Variants in EXOC4 observed in about 807,000 individuals in gnomAD.
The protein encoded by EXOC4 is exocyst complex component 4.
Under a neutral mutation model 107.2 loss-of-function variants are expected in EXOC4, and 71 were observed. The observed-to-expected ratio is 0.66, with a 90% CI of 0.55 to 0.81. The LOEUF (loss-of-function observed/expected upper bound fraction) is 0.81. Among genes scored for constraint, EXOC4 ranks in the 30% least tolerant of loss-of-function variants. EXOC4 has a pLI of 0.00. For synonymous variants in EXOC4, 456 were observed against 441.2 expected (o/e 1.03, Z -0.42); for missense variants, 1,108 against 1,189.6 (o/e 0.93, Z 1.01).
At chr7:133,732,039 C>G (rs1020288189) in intron 10 of EXOC4, among the ~76,000 whole-genome samples, 1 of 152,120 alleles carries the variant, frequency 6.6e-6, no homozygotes, top group Non-Finnish European at 1.5e-5. Flanking sequence ...ATGGAATCAA[C>G]CCTAATGCCC....
intron 1 of EXOC4, among the ~76,000 whole-genome samples, chr7:133,259,734 C>A (rs901069041): frequency 1.3e-5 from 2 of 152,242 alleles, no homozygotes; most frequent in East Asian, 3.9e-4. Context: ...ATTAGATGAA[C>A]CTAATCCCAG....
chr7:133,643,003 A>G (rs1439797883), intron 10 of EXOC4, among the ~76,000 whole-genome samples: 2 of 152,132 alleles, frequency 1.3e-5, no homozygotes, highest in Non-Finnish European at 2.9e-5. Flanking sequence ...TCACCCTTAC[A>G]TAATGTAAGT....
Position 133,546,638 on chromosome 7 carries a change from C to T in EXOC4, c.1417+66500C>T, listed in dbSNP as rs114849178. 4.8e-3 allele frequency among the ~76,000 whole-genome samples: 727 copies of T among 152,236 alleles called. 3 individuals are homozygous for T. Among genetic ancestry groups the T allele is most frequent in the Middle Eastern group, 0.017 (5 of 294 alleles). On this transcript the variant is annotated intron_variant, in intron 9 of 17. Coordinates refer to ENST00000253861, the MANE Select transcript of EXOC4 (RefSeq NM_021807.4). The stretch of plus-strand genomic sequence containing the variant: ...CAATTGAGATATAAATTGTTTCCTT[C>T]CTTTTCAAAAGTTCCCTAGTATCCC...
At chr7:134,040,754 A>G (rs1795496258) in intron 17 of EXOC4, among the ~76,000 whole-genome samples, 2 of 152,218 alleles carry the variant, frequency 1.3e-5, no homozygotes, top group Admixed American at 6.5e-5. Context: ...AATATTTGTA[A>G]TATTGCATGT....
intron 10 of EXOC4, among the ~76,000 whole-genome samples, chr7:133,664,425 T>C (rs578021266): frequency 1.3e-5 from 2 of 152,278 alleles, no homozygotes; most frequent in Non-Finnish European, 2.9e-5. Context: ...TGTCAGTGTA[T>C]GTTGGTCTGC....
intron 17 of EXOC4, among the ~76,000 whole-genome samples, chr7:134,062,936 G>A (rs750465335): frequency 3.9e-4 from 59 of 152,234 alleles, no homozygotes; most frequent in Admixed American, 2.7e-3. Flanking sequence ...TGGCCTTGCC[G>A]TTAAGTGGCT....
intron 11 of EXOC4, among the ~76,000 whole-genome samples, chr7:133,831,739 G>A (rs904209838): frequency 1.3e-5 from 2 of 151,990 alleles, no homozygotes; most frequent in South Asian, 2.1e-4. Context: ...CTTGTAACTT[G>A]AGTATCATTA....
intron 5 of EXOC4, among the ~76,000 whole-genome samples, chr7:133,321,493 C>T (rs571788948): frequency 2.6e-5 from 4 of 152,214 alleles, no homozygotes; most frequent in African/African-American, 7.2e-5. Context: ...TTGTTCAACT[C>T]CCACTTATGA....
At chr7:133,761,874 T>A (rs948726943) in intron 10 of EXOC4, among the ~76,000 whole-genome samples, 1 of 152,206 alleles carries the variant, frequency 6.6e-6, no homozygotes, top group Non-Finnish European at 1.5e-5. Context: ...TTAGGCTGGC[T>A]TATGCCAGTG....
intron 1 of EXOC4, among the ~76,000 whole-genome samples, chr7:133,272,250 C>T (rs746324684): frequency 1.3e-5 from 2 of 152,170 alleles, no homozygotes; most frequent in Non-Finnish European, 2.9e-5. Context: ...ACAATTCTAA[C>T]CCAGGCAGCT....
At chr7:133,616,462 T>C (rs1802197418) in intron 9 of EXOC4, among the ~76,000 whole-genome samples, 1 of 152,150 alleles carries the variant, frequency 6.6e-6, no homozygotes, top group Non-Finnish European at 1.5e-5. Context: ...GAAGGAAATA[T>C]ATTTTTGAAA....
chr7:133,922,339 C>T (rs903120416), intron 13 of EXOC4, among the ~76,000 whole-genome samples: 1 of 152,090 alleles, frequency 6.6e-6, no homozygotes, highest in Non-Finnish European at 1.5e-5. Flanking sequence ...TCAAAAGTTA[C>T]CCTTGCTGAC....
intron 11 of EXOC4, among the ~76,000 whole-genome samples, chr7:133,852,925 A>G (rs1032546762): frequency 1.2e-4 from 18 of 151,954 alleles, no homozygotes; most frequent in African/African-American, 4.1e-4. Flanking sequence ...GTAACAAAAA[A>G]CAAAACAATA....
intron 14 of EXOC4, among the ~76,000 whole-genome samples, chr7:133,996,547 T>C (rs180880044): frequency 6.6e-6 from 1 of 152,266 alleles, no homozygotes. Flanking sequence ...GTTTTGGAAA[T>C]ATATAGAAGG....
chr7:133,345,550 A>G (rs990581154), intron 5 of EXOC4, among the ~76,000 whole-genome samples: 1 of 152,172 alleles, frequency 6.6e-6, no homozygotes, highest in African/African-American at 2.4e-5. Context: ...CTTCTAAGGT[A>G]CATTTTCTTT....
intron 9 of EXOC4, among the ~76,000 whole-genome samples, chr7:133,625,093 G>A (rs1802423501): frequency 6.6e-6 from 1 of 152,140 alleles, no homozygotes; most frequent in Non-Finnish European, 1.5e-5. Context: ...TTACACATTT[G>A]TTGTAAAGTT....
intron 11 of EXOC4, among the ~76,000 whole-genome samples, chr7:133,867,787 A>G (rs1798672145): frequency 6.6e-6 from 1 of 152,236 alleles, no homozygotes; most frequent in South Asian, 2.1e-4. Context: ...GGGTGTGCAT[A>G]TTAAAAGAGA....
At chr7:133,357,152 A>T (rs1191762633) in intron 6 of EXOC4, among the ~76,000 whole-genome samples, 1 of 152,218 alleles carries the variant, frequency 6.6e-6, no homozygotes, top group Non-Finnish European at 1.5e-5. Context: ...TAAACATTTA[A>T]AGAATAAATT....
chr7:133,509,357 G>A (rs1799724163), intron 9 of EXOC4, among the ~76,000 whole-genome samples: 1 of 151,228 alleles, frequency 6.6e-6, no homozygotes, highest in South Asian at 2.1e-4. Context: ...GAACCCATGA[G>A]GTGGAGCTTG....
Sources: gnomAD v4.1 joint callset for allele counts (sites outside exome capture counted in the v4.1 genomes callset) on GRCh38, gnomAD v4.1.1 for gene constraint, MANE v1.5 for transcripts, NCBI Gene and HGNC (gene_info 2026-07-23, HGNC 2026-07-21) for gene names.